The following VPS13B variants were observed in gnomAD, a reference collection of about 807,000 sequenced individuals.
The protein encoded by VPS13B is intermembrane lipid transfer protein VPS13B.
VPS13B carries 285 observed loss-of-function variants against 426.4 expected under a neutral mutation model. The observed-to-expected ratio is 0.67, with a 90% confidence interval of 0.61 to 0.74. The LOEUF is 0.74. VPS13B is among the 30% of genes least tolerant of loss of function. VPS13B has a pLI of 0.00. For missense variants in VPS13B, 4,537 were observed against 4,782.6 expected, an observed-to-expected ratio of 0.95 and a Z score of 1.51; for synonymous variants, 1,676 against 1,676.4, an observed-to-expected ratio of 1.00 and a Z score of 0.01.
intron 19 of VPS13B, among the ~76,000 whole-genome samples, chr8:99,329,122 T>C (rs1194037706): frequency 6.6e-6 from 1 of 152,126 alleles, no homozygotes; most frequent in Non-Finnish European, 1.5e-5. Context: ...TTCCTTCCAG[T>C]TGGGCTCTTT....
chr8:99,502,981 CTGTATTT>C (rs1563764895), intron 27 of VPS13B, 31 bp downstream of exon 27: 1 of 1,502,098 alleles, frequency 6.7e-7, no homozygotes, highest in Non-Finnish European at 9.2e-7. Context: ...ATAAGAAAAT[CTGTATTT>C]TTCTTTGAAC....
At chr8:99,099,833 G>A (rs1222698398) in intron 4 of VPS13B, among the ~76,000 whole-genome samples, 1 of 152,190 alleles carries the variant, frequency 6.6e-6, no homozygotes, top group Non-Finnish European at 1.5e-5. Flanking sequence ...TTTGGAAGAA[G>A]GGGTTATATG....
chr8:99,588,108 G>C (rs1323551695), intron 33 of VPS13B, among the ~76,000 whole-genome samples: 2 of 151,672 alleles, frequency 1.3e-5, no homozygotes, highest in Non-Finnish European at 2.9e-5. Context: ...TTTTTGTCAG[G>C]TTTGTCAAAG....
At chr8:99,599,162 A>C (rs1182127175) in intron 33 of VPS13B, among the ~76,000 whole-genome samples, 1 of 152,034 alleles carries the variant, frequency 6.6e-6, no homozygotes, top group East Asian at 1.9e-4. Flanking sequence ...AGCTGGTAAG[A>C]ACAGGTAAAA....
chr8:99,394,830 A>T (rs1014525891), intron 21 of VPS13B, among the ~76,000 whole-genome samples: 5 of 152,238 alleles, frequency 3.3e-5, no homozygotes, highest in Non-Finnish European at 5.9e-5. Context: ...TTTTAAATTT[A>T]AGACACCTTG....
At chr8:99,126,728 G>A (rs1563555837) in intron 8 of VPS13B, among the ~76,000 whole-genome samples, 1 of 152,210 alleles carries the variant, frequency 6.6e-6, no homozygotes, top group South Asian at 2.1e-4. Context: ...CAATGCTGAT[G>A]TAAATGTTCT....
At chr8:99,511,038 C>G in intron 28 of VPS13B, 66 bp from the exon 29 acceptor site, 1 of 1,575,668 alleles carries the variant, frequency 6.3e-7, no homozygotes, top group Non-Finnish European at 8.6e-7. Context: ...TCATTTTCTT[C>G]TTTCCAATTT....
At chr8:99,493,654 G>A (rs147208032) in intron 25 of VPS13B, among the ~76,000 whole-genome samples, 55 of 151,916 alleles carry the variant, frequency 3.6e-4, no homozygotes, top group African/African-American at 1.1e-3. Flanking sequence ...GTGTGGTGGC[G>A]TGTGCCTGTA....
At chr8:99,331,143 G>A (rs936657692) in intron 19 of VPS13B, among the ~76,000 whole-genome samples, 104 of 151,898 alleles carry the variant, frequency 6.8e-4, no homozygotes, top group African/African-American at 2.4e-3. Flanking sequence ...TATCTGGTTT[G>A]TGGCAGAGAA....
chr8:99,515,298 G>GA (rs1454679106), intron 29 of VPS13B, among the ~76,000 whole-genome samples: 1 of 152,070 alleles, frequency 6.6e-6, no homozygotes, highest in Non-Finnish European at 1.5e-5. Context: ...CTTCAACTAG[G>GA]AAAATCCCTC....
intron 16 of VPS13B, among the ~76,000 whole-genome samples, chr8:99,177,498 T>G (rs1452678952): frequency 6.6e-6 from 1 of 152,200 alleles, no homozygotes; most frequent in Non-Finnish European, 1.5e-5. Flanking sequence ...TATATTAGAT[T>G]TTTTCCCTTT....
At chr8:99,073,735 G>A (rs1458731656) in intron 3 of VPS13B, among the ~76,000 whole-genome samples, 17 of 141,926 alleles carry the variant, frequency 1.2e-4, no homozygotes, top group Non-Finnish European at 2.6e-4. Flanking sequence ...GGAAACCCAG[G>A]ACTTTCTTTT....
chr8:99,744,461 C>T (rs981028182), intron 39 of VPS13B, among the ~76,000 whole-genome samples: 30 of 152,138 alleles, frequency 2.0e-4, no homozygotes, highest in Admixed American at 1.2e-3. Flanking sequence ...CCAGCCATCC[C>T]GTTACTGGGT....
chr8:99,023,040 G>C (rs562301922), intron 2 of VPS13B, among the ~76,000 whole-genome samples: 159 of 151,506 alleles, frequency 1.0e-3, no homozygotes, highest in African/African-American at 3.7e-3. Flanking sequence ...GCCCAGGCTA[G>C]AGTGCAGTGT....
intron 33 of VPS13B, among the ~76,000 whole-genome samples, chr8:99,596,809 C>G (rs1827039906): frequency 6.6e-6 from 1 of 151,904 alleles, no homozygotes; most frequent in African/African-American, 2.4e-5. Flanking sequence ...TACATGTGCC[C>G]TGCTAAAAAT....
intron 58 of VPS13B, among the ~76,000 whole-genome samples, chr8:99,863,450 T>C (rs1816935568): frequency 6.6e-6 from 1 of 152,014 alleles, no homozygotes; most frequent in South Asian, 2.1e-4. Context: ...ACTACTCTGC[T>C]CCACCCCAGC....
At chr8:99,805,191 G>A (rs1813327727) in intron 43 of VPS13B, among the ~76,000 whole-genome samples, 1 of 150,454 alleles carries the variant, frequency 6.6e-6, no homozygotes, top group Non-Finnish European at 1.5e-5. Flanking sequence ...TAAATCTCCA[G>A]TTTCTGTTTA....
At chr8:99,781,201 T>G (rs1308950653) in intron 42 of VPS13B, among the ~76,000 whole-genome samples, 1 of 152,212 alleles carries the variant, frequency 6.6e-6, no homozygotes, top group Non-Finnish European at 1.5e-5. Context: ...TTCTTTTCCC[T>G]TTTATAAATG....
At chr8:99,136,513 A>G in intron 11 of VPS13B, 152 bp from the exon 12 acceptor site, 2 of 740,962 alleles carry the variant, frequency 2.7e-6, no homozygotes, top group Non-Finnish European at 4.6e-6. Context: ...TACCTTTCTT[A>G]GAAGTAAATT....
Sources: allele counts gnomAD v4.1 joint callset (sites outside exome capture counted in the v4.1 genomes callset), GRCh38; gene constraint gnomAD v4.1.1; transcripts MANE v1.5; gene names NCBI Gene and HGNC (gene_info 2026-07-23, HGNC 2026-07-21).